Variants in ADAMTS6 observed in about 807,000 individuals in gnomAD.
ADAMTS6 encodes the protein ADAM metallopeptidase with thrombospondin type 1 motif 6.
In ADAMTS6, 23 loss-of-function variants were observed where a neutral mutation model predicts 144.3. The ratio of observed to expected loss-of-function variants is 0.16; its 90% CI spans 0.11 to 0.23. ADAMTS6 has a LOEUF of 0.23. ADAMTS6 is among the 10% of genes least tolerant of loss of function. The pLI is 1.00. For synonymous variants in ADAMTS6, 444 were observed against 457.5 expected, an observed-to-expected ratio of 0.97 and a Z score of 0.38; for missense variants, 999 against 1,379.6, an observed-to-expected ratio of 0.72 and a Z score of 4.37.
intron 10 of ADAMTS6, chr5:65,297,012 C>T (rs1460539236): frequency 3.4e-6 from 1 of 295,440 alleles, no homozygotes; most frequent in African/African-American, 2.2e-5. Flanking sequence ...GGTCCATAGT[C>T]ATCAATGAGT....
At chr5:65,476,893 G>A (rs1277156287) in intron 1 of ADAMTS6, among the ~76,000 whole-genome samples, 2 of 152,170 alleles carry the variant, frequency 1.3e-5, no homozygotes, top group African/African-American at 4.8e-5. Context: ...GATTCCAGGC[G>A]TGAGCCACTG....
chr5:65,386,989 G>A (rs747592944), intron 7 of ADAMTS6, among the ~76,000 whole-genome samples: 32 of 152,170 alleles, frequency 2.1e-4, no homozygotes, highest in Admixed American at 1.4e-3. Flanking sequence ...TGACTTCACT[G>A]TATTTGCTAT....
At chr5:65,192,276 T>C (rs1755063939) in intron 21 of ADAMTS6, among the ~76,000 whole-genome samples, 1 of 152,068 alleles carries the variant, frequency 6.6e-6, no homozygotes, top group African/African-American at 2.4e-5. Flanking sequence ...TGTACTGTAG[T>C]TATTTTTGTA....
intron 18 of ADAMTS6, among the ~76,000 whole-genome samples, chr5:65,221,481 C>T (rs1040198617): frequency 2.0e-5 from 3 of 152,100 alleles, no homozygotes; most frequent in African/African-American, 7.2e-5. Flanking sequence ...AAGGGAACAT[C>T]CTCAAACTGA....
At chr5:65,386,103 G>A (rs1436365019) in intron 7 of ADAMTS6, among the ~76,000 whole-genome samples, 1 of 152,108 alleles carries the variant, frequency 6.6e-6, no homozygotes, top group Non-Finnish European at 1.5e-5. Context: ...AGAATTATGA[G>A]TCCTCCACAA....
intron 1 of ADAMTS6, among the ~76,000 whole-genome samples, chr5:65,477,557 T>C (rs1238510830): frequency 6.6e-6 from 1 of 152,130 alleles, no homozygotes; most frequent in Non-Finnish European, 1.5e-5. Flanking sequence ...GCCAGTAGCA[T>C]TGAGAAAAAA....
In ADAMTS6 at chr5:65,342,459, C is replaced by A. The variant is rs143157575; in HGVS notation, c.1074-8374G>T. On this transcript the variant is annotated intron_variant, in intron 7 of 24. Transcript: ENST00000381055. ...CCCCCATGATTCAGTTACCTCCCAC[C>A]GGGTCCCTCCCACAACATGTGGGAA... Among the ~76,000 whole-genome samples the A allele has an allele frequency of 1.9e-4, 29 of 152,094 alleles. No individual in the cohort carries two copies. In the East Asian group the frequency reaches 5.4e-3, roughly 28 times the overall value.
intron 7 of ADAMTS6, among the ~76,000 whole-genome samples, chr5:65,386,881 C>T (rs1312998825): frequency 6.6e-6 from 1 of 152,194 alleles, no homozygotes; most frequent in African/African-American, 2.4e-5. Flanking sequence ...GCCACTGCAC[C>T]CAGCCAAGTA....
intron 14 of ADAMTS6, among the ~76,000 whole-genome samples, chr5:65,258,044 T>G (rs1196861862): frequency 6.6e-6 from 1 of 152,218 alleles, no homozygotes; most frequent in Non-Finnish European, 1.5e-5. Flanking sequence ...TGAAGCTACA[T>G]GTAATTATTC....
At chr5:65,215,854 C>T (rs936413765) in intron 18 of ADAMTS6, among the ~76,000 whole-genome samples, 4 of 152,142 alleles carry the variant, frequency 2.6e-5, no homozygotes, top group Non-Finnish European at 5.9e-5. Flanking sequence ...GGGGTGGGGA[C>T]AACCTGTTGC....
chr5:65,420,848 CATACTGACA>C (rs1755970497), intron 7 of ADAMTS6, among the ~76,000 whole-genome samples: 1 of 151,648 alleles, frequency 6.6e-6, no homozygotes, highest in Admixed American at 6.6e-5. Context: ...GACAAAAGAG[CATACTGACA>C]ATAATAGGAG....
At chr5:65,271,244 TG>T (rs1393764658) in intron 12 of ADAMTS6, among the ~76,000 whole-genome samples, 5 of 151,740 alleles carry the variant, frequency 3.3e-5, no homozygotes, top group African/African-American at 1.2e-4. Flanking sequence ...AAAAATTAGC[TG>T]GGCATGGTGG....
rs376690495 is a variant in ADAMTS6 at position 65,464,436 on chromosome 5, T to C, written c.463-4098A>G. On this transcript the variant is annotated intron_variant, in intron 3 of 24. Coordinates refer to ENST00000381055, the MANE Select transcript of ADAMTS6 (RefSeq NM_197941.4). The stretch of plus-strand genomic sequence containing the variant: ...TAAAAGAATGCAAAAACCGTAATGA[T>C]ATGAAAATATCTGTGGTTTCTATTG... Among the ~76,000 whole-genome samples, 474 of 152,316 alleles carry C rather than the reference T, an allele frequency of 3.1e-3. 4 individuals are homozygous for C. Among genetic ancestry groups the C allele is most frequent in the African/African-American group, 0.011 (453 of 41,554 alleles).
At position 65,188,306 on chromosome 5, in the gene ADAMTS6, T is replaced by C. The variant is rs1754797079; in HGVS notation, c.2706-86A>G. 2.4e-6 allele frequency: 3 copies of C among 1,253,742 alleles called. No individual in the cohort carries two copies. The East Asian group carries it at 7.0e-5, about 29-fold the overall frequency. The allele number at this position is 1,253,742 out of a possible 1,614,324, so 77.7% of individuals were successfully genotyped here. A position where few individuals can be genotyped will look rare whatever the true frequency, so the allele number is the denominator to read the frequency against. On this transcript the variant is annotated intron_variant, in intron 21 of 24. Transcript: ENST00000381055. ...AGCTAAGTGAAGGCACTTTCACTGA[T>C]GGACTACGAGCTGACATTTCAATGT...
In ADAMTS6 at chr5:65,329,428, T is replaced by C. The variant is rs762324638; in HGVS notation, c.1173A>G (p.Glu391=). The change falls in exon 9 of 25, where the codon GAA becomes GAG. Residue 391 remains glutamate (E), a synonymous_variant. Transcript: ENST00000381055. ...TAAAAGCTGAACCCAGGCCAATGTCTTCATTAATGCTGCAGCTCCTTTCAG... is the reference window on the plus strand; with the variant it reads ...TAAAAGCTGAACCCAGGCCAATGTCCTCATTAATGCTGCAGCTCCTTTCAG... The part of the protein sequence containing the change: ...CEPERSCSIN[E]DIGLGSAFTI... The C allele has an allele frequency of 4.4e-5, 71 of 1,612,878 alleles. No homozygotes were observed. Among genetic ancestry groups the C allele is most frequent in the Non-Finnish European group, 5.9e-5 (70 of 1,179,354 alleles).
intron 20 of ADAMTS6, among the ~76,000 whole-genome samples, chr5:65,199,673 G>A (rs892853078): frequency 6.6e-6 from 1 of 152,094 alleles, no homozygotes; most frequent in African/African-American, 2.4e-5. Flanking sequence ...AAAATTACAT[G>A]TATACCCAAA....
At chr5:65,288,735 T>C (rs1357132245) in intron 11 of ADAMTS6, among the ~76,000 whole-genome samples, 2 of 152,188 alleles carry the variant, frequency 1.3e-5, no homozygotes, top group African/African-American at 4.8e-5. Flanking sequence ...TCTAAAATAT[T>C]CTCCTAAGTC....
At chr5:65,413,090 T>C (rs1235344385) in intron 7 of ADAMTS6, among the ~76,000 whole-genome samples, 1 of 152,174 alleles carries the variant, frequency 6.6e-6, no homozygotes, top group Non-Finnish European at 1.5e-5. Context: ...GAAGAACTTG[T>C]CTTTTTGATC....
intron 15 of ADAMTS6, among the ~76,000 whole-genome samples, chr5:65,240,605 C>T (rs1580157770): frequency 6.6e-6 from 1 of 151,962 alleles, no homozygotes; most frequent in South Asian, 2.1e-4. Context: ...AAGAAGGATC[C>T]CAGAGAGCTC....
Sources: allele counts gnomAD v4.1 joint callset (sites outside exome capture counted in the v4.1 genomes callset), GRCh38; gene constraint gnomAD v4.1.1; transcripts MANE v1.5; gene names NCBI Gene and HGNC (gene_info 2026-07-23, HGNC 2026-07-21).